The following XAF1 variants were observed in gnomAD, a reference collection of about 807,000 sequenced individuals.
XAF1 encodes XIAP-associated factor 1.
A neutral mutation model predicts 32.3 loss-of-function variants in XAF1; 32 were observed. The observed-to-expected ratio is 0.99, with a 90% CI of 0.75 to 1.33. The LOEUF (loss-of-function observed/expected upper bound fraction) is 1.33. Among genes scored for constraint, XAF1 ranks in the 40% most tolerant of loss-of-function variants. The probability of loss-of-function intolerance (pLI) is 0.00; values close to 1 mark genes in which losing one functional copy is unlikely to be tolerated. For missense variants in XAF1, 379 were observed against 366.0 expected, an observed-to-expected ratio of 1.04 and a Z score of -0.29; for synonymous variants, 120 against 125.9, an observed-to-expected ratio of 0.95 and a Z score of 0.31.
At position 6,770,933 on chromosome 17, in the gene XAF1, A is replaced by T. The variant is rs1375935713; in HGVS notation, c.798A>T (p.Arg266Ser). ...AAGCAGCCTATGACATTCTGAGGAG[A>T]TGTTCTCAGTGTGGCATCCTGCTTC... ...GDKAAYDILRRCSQCGILLPL... is the reference protein window; with the variant it reads ...GDKAAYDILRSCSQCGILLPL... Residue 266 changes from arginine to serine, a missense_variant, in exon 6 of 7, where the codon AGA (arginine) becomes AGT (serine). By Grantham distance (110) the Arg-to-Ser change is moderately radical. Transcript: ENST00000361842. The T allele has an allele frequency of 6.2e-7, 1 of 1,613,926 alleles. No homozygotes were observed. Among genetic ancestry groups the T allele is most frequent in the Non-Finnish European group, 8.5e-7 (1 of 1,180,004 alleles).
chr17:6,757,322 C>A (rs371796733), intron 1 of XAF1: 1 of 152,248 alleles, frequency 6.6e-6, no homozygotes, highest in South Asian at 2.1e-4. Flanking sequence ...CACTTCTTGG[C>A]AAAAAGGACG....
chr17:6,760,740 C>T, intron 4 of XAF1, 139 bp downstream of exon 4: 1 of 946,006 alleles, frequency 1.1e-6, no homozygotes, highest in South Asian at 1.8e-5. Flanking sequence ...TCTGGCTATT[C>T]TAATTCTAAA....
chr17:6,761,022 C>T (rs1371032129), intron 4 of XAF1, among the ~76,000 whole-genome samples: 7 of 152,072 alleles, frequency 4.6e-5, no homozygotes, highest in East Asian at 3.9e-4. Flanking sequence ...GGCGTGGTGG[C>T]GGACGCCTGT....
chr17:6,772,789 A>G (rs892145251), intron 6 of XAF1: 5 of 233,160 alleles, frequency 2.1e-5, no homozygotes, highest in Non-Finnish European at 4.1e-5. Flanking sequence ...TTACATCCTA[A>G]TGTAAATTCA....
intron 2 of XAF1, 190 bp from the exon 3 acceptor site, chr17:6,759,472 T>C: frequency 1.4e-6 from 2 of 1,428,426 alleles, no homozygotes; most frequent in Non-Finnish European, 1.8e-6. Context: ...CAGACTGGTC[T>C]GACAAACACT....
intron 5 of XAF1, among the ~76,000 whole-genome samples, chr17:6,762,512 T>C (rs142626499): frequency 6.6e-6 from 1 of 152,310 alleles, no homozygotes; most frequent in East Asian, 1.9e-4. Context: ...ATCTCCAAAC[T>C]TCATGGCCTG....
intron 5 of XAF1, among the ~76,000 whole-genome samples, chr17:6,765,135 C>A (rs916492735): frequency 6.6e-6 from 1 of 152,098 alleles, no homozygotes; most frequent in African/African-American, 2.4e-5. Context: ...TATGTAAGGC[C>A]GGGTATGGTG....
At chr17:6,758,486 G>A (rs1974891966) in intron 2 of XAF1, 3 of 527,060 alleles carry the variant, frequency 5.7e-6, no homozygotes. Context: ...CTGCAGGTGA[G>A]ATGGGGTCTG....
chr17:6,759,285 C>T, intron 2 of XAF1: 1 of 1,184,210 alleles, frequency 8.4e-7, no homozygotes, highest in Non-Finnish European at 1.0e-6. Flanking sequence ...GCAAGAGGTT[C>T]TGGTTTCAGG....
chr17:6,756,910 CAG>C (rs1372107232), intron 1 of XAF1, among the ~76,000 whole-genome samples: 2 of 152,144 alleles, frequency 1.3e-5, no homozygotes, highest in Non-Finnish European at 2.9e-5. Context: ...TTTACGGCTA[CAG>C]CCACCCCATT....
chr17:6,755,723 T>G, upstream of XAF1: 3 of 1,080,050 alleles, frequency 2.8e-6, no homozygotes, highest in East Asian at 1.2e-4. Context: ...GGGAGGTGGA[T>G]GGTTTGGAAA....
At chr17:6,768,258 G>GTAC (rs1325212648) in intron 5 of XAF1, among the ~76,000 whole-genome samples, 1 of 152,040 alleles carries the variant, frequency 6.6e-6, no homozygotes, top group African/African-American at 2.4e-5. Flanking sequence ...CAAGTAGCTG[G>GTAC]TACTACAGGT....
At chr17:6,756,998 T>C (rs1433557070) in intron 1 of XAF1, among the ~76,000 whole-genome samples, 1 of 151,730 alleles carries the variant, frequency 6.6e-6, no homozygotes, top group Non-Finnish European at 1.5e-5. Flanking sequence ...TCTTCTTTTT[T>C]TTTTTTTTTT....
At chr17:6,761,169 G>A (rs895519786) in intron 4 of XAF1, among the ~76,000 whole-genome samples, 1 of 152,122 alleles carries the variant, frequency 6.6e-6, no homozygotes, top group East Asian at 1.9e-4. Context: ...AAAAAAGGGG[G>A]GGACCATGGG....
At chr17:6,755,911 G>C (rs1567641417), upstream of XAF1, 1 of 1,461,964 alleles carries the variant, frequency 6.8e-7, no homozygotes, top group Non-Finnish European at 9.0e-7. Flanking sequence ...CTGTAAAGGG[G>C]CTTCTTGGGA....
intron 1 of XAF1, 25 bp downstream of exon 1, chr17:6,756,135 C>T (rs1377021895): frequency 3.1e-6 from 5 of 1,613,794 alleles, no homozygotes; most frequent in Non-Finnish European, 4.2e-6. Context: ...TCTCCAGCGG[C>T]AGACCCGGGC....
At chr17:6,758,320 G>A (rs1974866908) in intron 2 of XAF1, 96 bp downstream of exon 2, 3 of 1,514,758 alleles carry the variant, frequency 2.0e-6, no homozygotes, top group South Asian at 2.4e-5. Flanking sequence ...GGGGACGAGG[G>A]TCTAGTCCTC....
chr17:6,759,179 G>A (rs1192166436), intron 2 of XAF1: 1 of 1,022,304 alleles, frequency 9.8e-7, no homozygotes, highest in Non-Finnish European at 1.2e-6. Flanking sequence ...CCCATGGAAA[G>A]GAAATGTTAA....
chr17:6,760,708 T>G, intron 4 of XAF1, 107 bp downstream of exon 4: 7 of 1,148,908 alleles, frequency 6.1e-6, no homozygotes, highest in Non-Finnish European at 8.6e-6. Context: ...ACAAGTGTAT[T>G]TGCTGTATAG....
Sources: allele counts gnomAD v4.1 joint callset (sites outside exome capture counted in the v4.1 genomes callset), GRCh38; gene constraint gnomAD v4.1.1; transcripts MANE v1.5; gene names NCBI Gene and HGNC (gene_info 2026-07-23, HGNC 2026-07-21).